AGAP2: variants seen among roughly 807,000 people sequenced by gnomAD.
The protein encoded by AGAP2 is ArfGAP with GTPase domain, ankyrin repeat and PH domain 2.
AGAP2 carries 32 observed loss-of-function variants against 110.9 expected under a neutral mutation model. The observed-to-expected ratio is 0.29, with a 90% confidence interval of 0.22 to 0.39. The LOEUF is 0.39. Among genes scored for constraint, AGAP2 ranks in the 10% least tolerant of loss-of-function variants. The pLI, the probability that AGAP2 is intolerant of heterozygous loss-of-function variation, is 1.00. For synonymous variants in AGAP2, 702 were observed against 713.0 expected, an observed-to-expected ratio of 0.98 and a Z score of 0.25; for missense variants, 1,285 against 1,638.5, an observed-to-expected ratio of 0.78 and a Z score of 3.72.
In AGAP2 at chr12:57,731,275, A is replaced by C. The variant is rs968946657; in HGVS notation, c.2145+91T>G. On this transcript the variant is annotated intron_variant, in intron 10 of 18. Transcript: ENST00000547588. ...AGAGAAGAGGACTAGCACTTCCTAG[A>C]AATGAGGTTAGTGCTTTGTCAGAGG... 14 of 1,116,416 alleles carry C rather than the reference A, an allele frequency of 1.3e-5. No homozygotes were observed. In the Admixed American group the frequency reaches 1.8e-4, roughly 15 times the overall value. The allele number at this position is 1,116,416 out of a possible 1,614,324, so 69.2% of individuals were successfully genotyped here.
intron 13 of AGAP2, among the ~76,000 whole-genome samples, chr12:57,728,831 T>G (rs1954826178): frequency 6.6e-6 from 1 of 151,994 alleles, no homozygotes; most frequent in Non-Finnish European, 1.5e-5. Context: ...ATCACTATGG[T>G]CAAGGGCTGT....
chr12:57,739,370 C>T (rs940531050), upstream of AGAP2, among the ~76,000 whole-genome samples: 3 of 152,124 alleles, frequency 2.0e-5, no homozygotes, highest in African/African-American at 7.2e-5. Flanking sequence ...GCTCCCTTTC[C>T]CACTCACACC....
At position 57,738,543 on chromosome 12, in the gene AGAP2, G is replaced by T. The variant is rs1292131358; in HGVS notation, c.-297C>A. Among the ~76,000 whole-genome samples the T allele has an allele frequency of 6.6e-6, 1 of 151,848 alleles. No homozygotes were observed. The highest frequency in any genetic ancestry group is 2.4e-5 in the African/African-American group (1 of 41,366). On this transcript the variant is annotated 5_prime_UTR_variant, in exon 1 of 19. Coordinates refer to ENST00000547588, the MANE Select transcript of AGAP2 (RefSeq NM_001122772.3). The surrounding 1 kb of genome is among the most constrained non-coding windows in gnomAD (Gnocchi z 6.7). ...CGTCCACCCCGGCCTGGGTGGGGGC[G>T]CTGAGATGGGTGGGGGAGGGCGGGG...
rs1954935714 is a variant in AGAP2 at position 57,734,126 on chromosome 12, A to T, written c.1449T>A (p.Asp483Glu). The change falls in exon 5 of 19, where the codon GAT (aspartate) becomes GAA (glutamate). Residue 483 changes from aspartate (D) to glutamate (E), a missense_variant. Transcript: ENST00000547588. ...GGCTCACAGCCTGGAAACTGTTCTCATCCTCCAGGCTGAAGACGAAGATCA... is the reference window on the plus strand; with the variant it reads ...GGCTCACAGCCTGGAAACTGTTCTCTTCCTCCAGGCTGAAGACGAAGATCA... ...DAVIFVFSLEDENSFQAVSRL... is the reference protein window; with the variant it reads ...DAVIFVFSLEEENSFQAVSRL... The T allele has an allele frequency of 6.2e-7, 1 of 1,613,432 alleles. No individual in the cohort carries two copies. The highest frequency in any genetic ancestry group is 8.5e-7 in the Non-Finnish European group (1 of 1,179,634).
rs147633851 is a variant in AGAP2, at chr12:57,730,837, G to A, written c.2262C>T (p.Asn754=). ...ISAFGPSASI[N]GLVKDMSTVQ... ...CAGTGCTCATGTCCTTGACGAGCCC[G>A]TTAATGCTGGCTGAGGGGCCAAAGG... Residue 754 remains asparagine, a synonymous_variant, in exon 11 of 19, where the codon AAC becomes AAT. Transcript: ENST00000547588. 967 of 1,613,998 alleles carry A rather than the reference G, an allele frequency of 6.0e-4. 1 individual carries two copies. Among genetic ancestry groups the A allele is most frequent in the African/African-American group, 1.5e-3 (115 of 75,064 alleles).
Position 57,735,420 on chromosome 12 carries a change from C to T in AGAP2, c.1176G>A (p.Val392=). ...GAELRASPKA[V]INSQEWTLSR... ...TCAAAGTCCATTCCTGGCTATTGAT[C>T]ACAGCCTCTGTAACGGGAGAAGGGC... Residue 392 remains valine, a synonymous_variant, in exon 2 of 19, where the codon GTG becomes GTA. Transcript: ENST00000547588. The T allele has an allele frequency of 6.2e-7, 1 of 1,613,694 alleles. No homozygotes were observed. The highest frequency in any genetic ancestry group is 8.5e-7 in the Non-Finnish European group (1 of 1,179,908).
chr12:57,738,932 A>C (rs1003268942), upstream of AGAP2, among the ~76,000 whole-genome samples: 3 of 151,856 alleles, frequency 2.0e-5, no homozygotes, highest in African/African-American at 7.3e-5. This position sits in a 1 kb window ranked among gnomAD's most constrained non-coding sequence, Gnocchi z 6.7. Flanking sequence ...CTTGGTCCGG[A>C]TGCGCGCTGT....
upstream of AGAP2, among the ~76,000 whole-genome samples, chr12:57,741,759 CT>C (rs2140372744): frequency 6.6e-6 from 1 of 152,324 alleles, no homozygotes; most frequent in South Asian, 2.1e-4. Flanking sequence ...CCTCCCATGT[CT>C]TTTTCCATCC....
chr12:57,737,572 C>T lies in AGAP2; in HGVS notation c.675G>A (p.Lys225=). 6.5e-7 allele frequency: 1 copy of T among 1,549,200 alleles called. No individual in the cohort carries two copies. Among genetic ancestry groups the T allele is most frequent in the Non-Finnish European group, 8.7e-7 (1 of 1,147,214 alleles). Residue 225 remains lysine (K), a synonymous_variant, in exon 1 of 19, where the codon AAG becomes AAA. Transcript: ENST00000547588. The surrounding 1 kb of genome is among the most constrained non-coding windows in gnomAD (Gnocchi z 5.9). ...SEGKPRVKGS[K]SSAGTGASVS... ...CCGAAGCTCCAGTCCCGGCGCTGCTCTTTGACCCCTTGACCCTGGGCTTGC... is the reference window on the plus strand; with the variant it reads ...CCGAAGCTCCAGTCCCGGCGCTGCTTTTTGACCCCTTGACCCTGGGCTTGC...
At chr12:57,732,683 C>A (rs574064538) in intron 6 of AGAP2, among the ~76,000 whole-genome samples, 162 bp downstream of exon 6, 1 of 152,232 alleles carries the variant, frequency 6.6e-6, no homozygotes, top group African/African-American at 2.4e-5. Context: ...AAAGACCTTG[C>A]GACTATTAAG....
chr12:57,738,779 G>A (rs1955038982), upstream of AGAP2, among the ~76,000 whole-genome samples: 2 of 151,196 alleles, frequency 1.3e-5, no homozygotes, highest in African/African-American at 4.9e-5. This position sits in a 1 kb window ranked among gnomAD's most constrained non-coding sequence, Gnocchi z 6.7. Flanking sequence ...GGGGCGCGGG[G>A]AGGATGCTGG....
In AGAP2 at chr12:57,730,610, G is replaced by A; in HGVS notation, c.2313C>T (p.Ala771=). Residue 771 remains alanine (A), a synonymous_variant, in exon 12 of 19, where the codon GCC becomes GCT. Transcript: ENST00000547588. ...GGCTAGGGCTTGGCATGGGAGTAGT[G>A]GCTTCTGTCGGAAGAAGATGAAACC... The part of the protein sequence containing the change: ...STVQMGEGLE[A]TTPMPSPSPS... 6 of 1,612,832 alleles carry A rather than the reference G, an allele frequency of 3.7e-6. No homozygotes were observed. Among genetic ancestry groups the A allele is most frequent in the Non-Finnish European group, 5.1e-6 (6 of 1,179,490 alleles).
At chr12:57,736,636 G>C (rs1390771326) in intron 1 of AGAP2, among the ~76,000 whole-genome samples, 5 of 152,246 alleles carry the variant, frequency 3.3e-5, no homozygotes, top group Non-Finnish European at 5.9e-5. Context: ...GCGAGAAGCT[G>C]CCTGCAAGGT....
Position 57,738,205 on chromosome 12 carries a change from G to A in AGAP2, c.42C>T (p.Thr14=). 2.0e-6 allele frequency: 3 copies of A among 1,525,022 alleles called. No individual in the cohort carries two copies. The highest frequency in any genetic ancestry group is 2.6e-6 in the Non-Finnish European group (3 of 1,141,496). The allele number at this position is 1,525,022 out of a possible 1,614,324, so 94.5% of individuals were successfully genotyped here. The change falls in exon 1 of 19, where the codon ACC becomes ACT. Residue 14 remains threonine (T), a synonymous_variant. Transcript: ENST00000547588. The surrounding 1 kb of genome is among the most constrained non-coding windows in gnomAD (Gnocchi z 6.7). The part of the protein sequence containing the change: ...GAGALQRRTT[T]YLISLTLVKL... Reference sequence around the variant, plus strand: ...TAACCAGGGTCAGCGAGATGAGGTAGGTCGTTGTCCGGCGCTGAAGCGCGC... The same window carrying A: ...TAACCAGGGTCAGCGAGATGAGGTAAGTCGTTGTCCGGCGCTGAAGCGCGC...
chr12:57,742,144 C>G (rs898741452), upstream of AGAP2: 5 of 1,536,666 alleles, frequency 3.3e-6, no homozygotes, highest in Non-Finnish European at 3.5e-6. Flanking sequence ...AGCCCCCAAA[C>G]CTCAGAAGGC....
At position 57,737,859 on chromosome 12, in the gene AGAP2, C is replaced by T. The variant is rs751659096; in HGVS notation, c.388G>A (p.Asp130Asn). ...GTGGGGGCGCCCCCAGGCTTGGGGT[C>T]GGGGCTCAGTCCCCCGGAGAGCGGG... ...GPPLSGGLSPDPKPGGAPTSS... is the reference protein window; with the variant it reads ...GPPLSGGLSPNPKPGGAPTSS... Residue 130 changes from aspartate (D) to asparagine (N), a missense_variant, in exon 1 of 19, where the codon GAC (aspartate) becomes AAC (asparagine). By Grantham distance (23) the Asp-to-Asn change is conservative. Around this residue, in one of 7 missense-constraint regions of AGAP2, gnomAD observed 844 missense variants for 941.2 expected, o/e 0.90. Transcript: ENST00000547588. This position sits in a 1 kb window ranked among gnomAD's most constrained non-coding sequence, Gnocchi z 5.9. 2.1e-6 allele frequency: 3 copies of T among 1,452,100 alleles called. No homozygotes were observed. In the South Asian group the frequency reaches 4.3e-5, roughly 21 times the overall value. 90.0% of individuals were successfully genotyped at this position (1,452,100 alleles called of 1,614,324 possible).
chr12:57,734,969 G>C (rs888344041), intron 2 of AGAP2, among the ~76,000 whole-genome samples: 4 of 151,564 alleles, frequency 2.6e-5, no homozygotes, highest in African/African-American at 7.3e-5. Flanking sequence ...GTGTTGGGTT[G>C]TTTAGAAAAC....
At chr12:57,728,895 C>T (rs890743422) in intron 13 of AGAP2, among the ~76,000 whole-genome samples, 2 of 152,206 alleles carry the variant, frequency 1.3e-5, no homozygotes, top group South Asian at 4.1e-4. Context: ...CACGGTGACT[C>T]ATGCCTGTAA....
rs761479724 is a variant in AGAP2, at chr12:57,738,250, G to T, written c.-4C>A. On this transcript the variant is annotated 5_prime_UTR_variant, in exon 1 of 19. Coordinates refer to ENST00000547588, the MANE Select transcript of AGAP2 (RefSeq NM_001122772.3). This position sits in a 1 kb window ranked among gnomAD's most constrained non-coding sequence, Gnocchi z 6.7. ...GCGCGCCCGCGCCCCGGCTCATGGG[G>T]CCCGGAGACCCCCGAGCTGGGGAGG... 10 of 1,508,858 alleles carry T rather than the reference G, an allele frequency of 6.6e-6. No homozygotes were observed. In the East Asian group the frequency reaches 1.1e-4, roughly 16 times the overall value. The allele number at this position is 1,508,858 out of a possible 1,614,324, so 93.5% of individuals were successfully genotyped here.
Sources: gnomAD v4.1 joint callset for allele counts (sites outside exome capture counted in the v4.1 genomes callset) on GRCh38, gnomAD v4.1.1 for gene constraint, gnomAD v4.1.1 regional missense constraint, Gnocchi (gnomAD v3.1) non-coding constraint, MANE v1.5 for transcripts, NCBI Gene and HGNC (gene_info 2026-07-23, HGNC 2026-07-21) for gene names.